Variants in TTLL7 observed in about 807,000 individuals in gnomAD.
TTLL7 encodes the protein tubulin tyrosine ligase like 7.
TTLL7 carries 53 observed loss-of-function variants against 120.2 expected under a neutral mutation model. The ratio of observed to expected loss-of-function variants is 0.44; its 90% CI spans 0.35 to 0.55. The LOEUF (loss-of-function observed/expected upper bound fraction) is 0.55, where lower values mean the gene tolerates loss of function less well. Ranked by LOEUF, TTLL7 falls within the 20% of genes least tolerant of loss-of-function variation. The pLI, the probability that TTLL7 is intolerant of heterozygous loss-of-function variation, is 0.00. For missense variants in TTLL7, 803 were observed against 1,054.7 expected (o/e 0.76, Z 3.31); for synonymous variants, 353 against 351.7 (o/e 1.00, Z -0.04).
intron 1 of TTLL7, among the ~76,000 whole-genome samples, chr1:83,953,614 T>C (rs7551787): frequency 0.5 from 76,172 of 151,940 alleles, 19,692 homozygotes; most frequent in Non-Finnish European, 0.57. Context: ...GGTAGGCATT[T>C]TATTAAGCAT....
At chr1:83,945,984 T>C (rs928269714) in intron 6 of TTLL7, 13 of 152,186 alleles carry the variant, frequency 8.5e-5, no homozygotes, top group African/African-American at 2.7e-4. Flanking sequence ...AAGAAAAATT[T>C]TGAACAATAA....
intron 18 of TTLL7, among the ~76,000 whole-genome samples, chr1:83,899,314 G>T (rs938032414): frequency 2.0e-5 from 3 of 151,850 alleles, no homozygotes; most frequent in Non-Finnish European, 4.4e-5. Flanking sequence ...ACTGTTGAAG[G>T]AAGAAAAGGA....
At chr1:83,894,905 G>T (rs1411017184) in intron 18 of TTLL7, among the ~76,000 whole-genome samples, 1 of 152,056 alleles carries the variant, frequency 6.6e-6, no homozygotes, top group African/African-American at 2.4e-5. Context: ...GGTCCTCGGA[G>T]ACCCACCCCT....
chr1:83,897,889 T>G (rs1656389058), intron 18 of TTLL7, among the ~76,000 whole-genome samples: 1 of 123,850 alleles, frequency 8.1e-6, no homozygotes, highest in Non-Finnish European at 1.9e-5. Flanking sequence ...AAAAAAACTT[T>G]CACTGTTAAT....
rs1648743563 is a variant in TTLL7, at chr1:83,948,680, G to A, written c.295C>T (p.Pro99Ser). Residue 99 changes from proline to serine, a missense_variant, in exon 5 of 21, where the codon CCA (proline) becomes TCA (serine). Pro to Ser is a moderately conservative substitution (Grantham distance 74). Transcript: ENST00000260505. ...TTCCTACAGATCTCCCCCATTCCTG[G>A]AAAATGGTTGATCCTCTGGAAAATA... ...LQNYQRINHF[P>S]GMGEICRKDF... The A allele has an allele frequency of 6.2e-7, 1 of 1,607,986 alleles. No homozygotes were observed. The highest frequency in any genetic ancestry group is 1.7e-5 in the Admixed American group (1 of 59,730).
intron 6 of TTLL7, chr1:83,946,521 A>G (rs1648522873): frequency 6.6e-6 from 1 of 152,226 alleles, no homozygotes; most frequent in African/African-American, 2.4e-5. Flanking sequence ...AGTATTATGT[A>G]CCGTGTATAA....
chr1:83,937,986 A>G lies in TTLL7; in HGVS notation c.754T>C (p.Ser252Pro). The change falls in exon 8 of 21, where the codon TCC (serine) becomes CCC (proline). Residue 252 changes from serine to proline, a missense_variant. This residue lies in a region of TTLL7 where 324 missense variants were observed against 507.7 expected (regional missense o/e 0.64). Transcript: ENST00000260505. ...TQLYMHLTNY[S>P]VNKHNEHFER... is the part of the protein sequence containing the mutation. ...AAATGCTCATTATGCTTGTTCACGG[A>G]GTAGTTTGTCAGATGCATGTATAAC... 1.2e-6 allele frequency: 2 copies of G among 1,614,072 alleles called. No individual in the cohort carries two copies. The highest frequency in any genetic ancestry group is 1.3e-5 in the African/African-American group (1 of 75,064).
intron 6 of TTLL7, among the ~76,000 whole-genome samples, chr1:83,943,040 T>G (rs1027852299): frequency 6.6e-6 from 1 of 152,218 alleles, no homozygotes; most frequent in Admixed American, 6.5e-5. Flanking sequence ...TGGGCTATTC[T>G]TACGGTTAGT....
chr1:83,895,833 T>C (rs894590795), intron 18 of TTLL7, among the ~76,000 whole-genome samples: 3 of 152,066 alleles, frequency 2.0e-5, no homozygotes, highest in African/African-American at 7.2e-5. Context: ...CTTCTTAGAT[T>C]CAGATTCATT....
At chr1:83,958,358 C>T in intron 1 of TTLL7, among the ~76,000 whole-genome samples, 1 of 152,120 alleles carries the variant, frequency 6.6e-6, no homozygotes, top group East Asian at 1.9e-4. Flanking sequence ...GACATTTCTA[C>T]TATCACTTCC....
In TTLL7 at chr1:83,918,163, G is replaced by A. The variant is rs139974757; in HGVS notation, c.1501-473C>T. On this transcript the variant is annotated intron_variant, in intron 13 of 20. Coordinates refer to ENST00000260505, the MANE Select transcript of TTLL7 (RefSeq NM_024686.6). ...TCTAATGTGAGTATTTGCTGACTGG[G>A]CACTATTTAATGAAACTCTTTCAAA... is the stretch of plus-strand genomic sequence containing the variant. 8.1e-3 allele frequency among the ~76,000 whole-genome samples: 1,232 copies of A among 152,188 alleles called. 16 individuals are homozygous for A. Among genetic ancestry groups the A allele is most frequent in the African/African-American group, 0.029 (1,189 of 41,506 alleles).
At chr1:83,996,730 T>C (rs1653514098) in intron 1 of TTLL7, among the ~76,000 whole-genome samples, 1 of 152,212 alleles carries the variant, frequency 6.6e-6, no homozygotes, top group Non-Finnish European at 1.5e-5. Context: ...CTGTAGTCAT[T>C]GGACAGAGGA....
At chr1:83,896,565 G>A (rs1656241339) in intron 18 of TTLL7, among the ~76,000 whole-genome samples, 1 of 152,050 alleles carries the variant, frequency 6.6e-6, no homozygotes, top group Non-Finnish European at 1.5e-5. Flanking sequence ...TAGGGTAAAG[G>A]CATCTTTGCT....
Position 83,947,228 on chromosome 1 carries a change from A to C in TTLL7, c.402T>G (p.Phe134Leu). 1 of 1,612,726 alleles carries C rather than the reference A, an allele frequency of 6.2e-7. No individual in the cohort carries two copies. Among genetic ancestry groups the C allele is most frequent in the Non-Finnish European group, 8.5e-7 (1 of 1,179,570 alleles). The change falls in exon 6 of 21, where the codon TTT becomes TTG. Residue 134 changes from phenylalanine (F) to leucine (L), a missense_variant. Coordinates refer to ENST00000260505, the MANE Select transcript of TTLL7 (RefSeq NM_024686.6). ...DYTFVPRTWI[F>L]PAEYTQFQNY... ...TTTGGAATTGAGTATATTCAGCAGG[A>C]AAGATCCAAGTTCGAGGAACAAAGG... is the stretch of plus-strand genomic sequence containing the variant.
At chr1:83,948,580 G>T in intron 5 of TTLL7, 48 bp downstream of exon 5, 1 of 1,190,836 alleles carries the variant, frequency 8.4e-7, no homozygotes, top group Non-Finnish European at 1.2e-6. Context: ...AGTAGTTATG[G>T]TATAAATTTT....
At position 83,866,725 on chromosome 1, in the gene TTLL7, G is replaced by A. The variant is rs550580879; in HGVS notation, c.*3237C>T. ...TACAACTTCATTTTTACATATTTAAGGTAAATGCAATGCTACTAAAATAAA... is the reference window on the plus strand; with the variant it reads ...TACAACTTCATTTTTACATATTTAAAGTAAATGCAATGCTACTAAAATAAA... On this transcript the variant is annotated 3_prime_UTR_variant, in exon 21 of 21. Coordinates refer to ENST00000260505, the MANE Select transcript of TTLL7 (RefSeq NM_024686.6). The A allele has an allele frequency of 6.6e-6, 1 of 151,738 alleles. No individual in the cohort carries two copies. Among genetic ancestry groups the A allele is most frequent in the East Asian group, 1.9e-4 (1 of 5,172 alleles). The allele number at this position is 151,738 out of a possible 1,614,324, so 9.4% of individuals were successfully genotyped here.
intron 10 of TTLL7, among the ~76,000 whole-genome samples, chr1:83,924,178 G>A (rs1434688565): frequency 1.3e-5 from 2 of 152,150 alleles, no homozygotes; most frequent in South Asian, 2.1e-4. Context: ...TAAAGGAAGT[G>A]GGAGCAATGG....
Position 83,868,960 on chromosome 1 carries a change from A to ATTTAT in TTLL7, c.*997_*1001dup, listed in dbSNP as rs931051503. Reference sequence around the variant, plus strand: ...ATTTTTATCTTCTTTTTATTTATTTATTTATTTTATTTTATTATTATTTTT... The same window carrying ATTTAT: ...ATTTTTATCTTCTTTTTATTTATTTATTTATTTTATTTTATTTTATTATTATTTTT... On this transcript the variant is annotated 3_prime_UTR_variant, in exon 21 of 21. Coordinates refer to ENST00000260505, the MANE Select transcript of TTLL7 (RefSeq NM_024686.6). 6.7e-6 allele frequency: 1 copy of ATTTAT among 148,208 alleles called. No individual in the cohort carries two copies. The highest frequency in any genetic ancestry group is 1.5e-5 in the Non-Finnish European group (1 of 66,974). The allele number at this position is 148,208 out of a possible 1,614,324, so 9.2% of individuals were successfully genotyped here.
At chr1:83,928,744 G>C (rs1189149969) in intron 10 of TTLL7, among the ~76,000 whole-genome samples, 1 of 151,864 alleles carries the variant, frequency 6.6e-6, no homozygotes, top group African/African-American at 2.4e-5. Flanking sequence ...CTTCTTATAA[G>C]ATGAGGAAGA....
Sources: allele counts gnomAD v4.1 joint callset (sites outside exome capture counted in the v4.1 genomes callset), GRCh38; gene constraint gnomAD v4.1.1; regional missense constraint gnomAD v4.1.1; transcripts MANE v1.5; gene names NCBI Gene and HGNC (gene_info 2026-07-23, HGNC 2026-07-21).